The following ABCC8 variants were observed in gnomAD, a reference collection of about 807,000 sequenced individuals.
ABCC8 encodes ATP binding cassette subfamily C member 8.
A neutral mutation model predicts 188.0 loss-of-function variants in ABCC8; 137 were observed. The observed-to-expected ratio is 0.73, with a 90% CI of 0.63 to 0.84. The LOEUF is 0.84. Among genes scored for constraint, ABCC8 ranks in the 40% least tolerant of loss-of-function variants. The pLI, the probability that ABCC8 is intolerant of heterozygous loss-of-function variation, is 0.00. For missense variants in ABCC8, 1,750 were observed against 2,072.7 expected (o/e 0.84, Z 3.02); for synonymous variants, 797 against 846.5 (o/e 0.94, Z 1.01).
intron 1 of ABCC8, 151 bp from the exon 2 acceptor site, chr11:17,475,178 C>T (rs958086549): frequency 1.4e-5 from 17 of 1,185,142 alleles, no homozygotes; most frequent in African/African-American, 3.0e-5. Flanking sequence ...ACAAACTAAA[C>T]GTCCAACTCA....
chr11:17,402,886 G>C (rs970061309), intron 28 of ABCC8, 133 bp from the exon 29 acceptor site: 4 of 1,093,610 alleles, frequency 3.7e-6, no homozygotes, highest in Non-Finnish European at 5.5e-6. Context: ...TTCTTACCCC[G>C]TGAAGGGGGA....
At chr11:17,399,865 A>G (rs1410772715) in intron 29 of ABCC8, among the ~76,000 whole-genome samples, 3 of 152,136 alleles carry the variant, frequency 2.0e-5, no homozygotes, top group Non-Finnish European at 4.4e-5. Flanking sequence ...GGTCCTCATC[A>G]TGTTTTCCCT....
intron 10 of ABCC8, among the ~76,000 whole-genome samples, chr11:17,439,007 A>G (rs888000102): frequency 1.3e-5 from 2 of 152,218 alleles, no homozygotes; most frequent in Non-Finnish European, 2.9e-5. Context: ...TGTTCTGTGC[A>G]TGTTAGCTCT....
intron 20 of ABCC8, 79 bp downstream of exon 20, chr11:17,413,315 A>AT: frequency 6.4e-7 from 1 of 1,573,982 alleles, no homozygotes; most frequent in Non-Finnish European, 8.7e-7. Context: ...CTAGTTACCC[A>AT]TTGTCCTGAG....
chr11:17,402,138 T>C (rs1354492403), intron 29 of ABCC8, among the ~76,000 whole-genome samples: 1 of 152,188 alleles, frequency 6.6e-6, no homozygotes, highest in Non-Finnish European at 1.5e-5. Flanking sequence ...GTTTGTTGCA[T>C]GAACAAATAG....
Position 17,443,043 on chromosome 11 carries a change from G to A in ABCC8, c.1467+135C>T, listed in dbSNP as rs1176264013. On this transcript the variant is annotated intron_variant, in intron 9 of 38. Transcript: ENST00000389817. ...TCCATTTCCCAGACAAAGAAGCTGAGGCCTGGACAGGTGAAGTGGCCTACT... is the reference window on the plus strand; with the variant it reads ...TCCATTTCCCAGACAAAGAAGCTGAAGCCTGGACAGGTGAAGTGGCCTACT... 2.0e-6 allele frequency: 3 copies of A among 1,497,358 alleles called. No homozygotes were observed. In the African/African-American group the frequency reaches 4.2e-5, roughly 21 times the overall value. The allele number at this position is 1,497,358 out of a possible 1,614,324, so 92.8% of individuals were successfully genotyped here.
At chr11:17,402,859 C>CAGAG (rs1343461681) in intron 28 of ABCC8, 106 bp from the exon 29 acceptor site, 2 of 1,350,036 alleles carry the variant, frequency 1.5e-6, no homozygotes, top group African/African-American at 2.9e-5. Context: ...AATGGCCTTA[C>CAGAG]CTCTCTAGGC....
At chr11:17,393,842 C>A in intron 37 of ABCC8, 83 bp from the exon 38 acceptor site, 1 of 1,613,394 alleles carries the variant, frequency 6.2e-7, no homozygotes, top group Non-Finnish European at 8.5e-7. Context: ...GAGCCCAGGT[C>A]TGTGGCTCAG....
chr11:17,465,106 C>T (rs1451740216), intron 3 of ABCC8, among the ~76,000 whole-genome samples: 1 of 152,210 alleles, frequency 6.6e-6, no homozygotes, highest in African/African-American at 2.4e-5. Flanking sequence ...GGATGGAGGG[C>T]AGAAGCATCG....
intron 10 of ABCC8, among the ~76,000 whole-genome samples, chr11:17,437,430 C>T (rs1051650176): frequency 6.6e-6 from 1 of 152,364 alleles, no homozygotes; most frequent in South Asian, 2.1e-4. Flanking sequence ...GCATAGCCAG[C>T]CATTTGTACC....
intron 10 of ABCC8, among the ~76,000 whole-genome samples, chr11:17,441,818 A>G (rs1359092756): frequency 6.6e-6 from 1 of 152,228 alleles, no homozygotes; most frequent in African/African-American, 2.4e-5. Flanking sequence ...ACAGTGGCTC[A>G]TGCATGTAAT....
rs184542548 is a variant in ABCC8 at position 17,457,365 on chromosome 11, T to G, written c.1011+3123A>C. Among the ~76,000 whole-genome samples, 3 of 152,216 alleles carry G rather than the reference T, an allele frequency of 2.0e-5. No homozygotes were observed. The East Asian group carries it at 5.8e-4, about 29-fold the overall frequency. On this transcript the variant is annotated intron_variant, in intron 6 of 38. Coordinates refer to ENST00000389817, the MANE Select transcript of ABCC8 (RefSeq NM_000352.6). ...CATAAGCAGTTCTTAGGGGAACTCA[T>G]TCGGAAACACATACACCCTCCCAAA...
At chr11:17,408,646 T>A in intron 22 of ABCC8, 129 bp from the exon 23 acceptor site, 1 of 1,429,742 alleles carries the variant, frequency 7.0e-7, no homozygotes, top group Non-Finnish European at 9.4e-7. Flanking sequence ...CACCAGCTCA[T>A]CCACTGCAAG....
chr11:17,398,490 G>C (rs1159044687), intron 29 of ABCC8, 49 bp from the exon 30 acceptor site: 2 of 1,609,568 alleles, frequency 1.2e-6, no homozygotes, highest in South Asian at 2.2e-5. Context: ...GGTCCACATA[G>C]CTCCTAGGAG....
At chr11:17,413,551 A>T (rs1954921004) in intron 19 of ABCC8, 73 bp from the exon 20 acceptor site, 3 of 1,611,956 alleles carry the variant, frequency 1.9e-6, no homozygotes, top group Non-Finnish European at 2.5e-6. Context: ...GCAGAGGGTC[A>T]TTAGTCTCTG....
At chr11:17,476,374 G>T (rs1410184981) in intron 1 of ABCC8, among the ~76,000 whole-genome samples, 1 of 152,250 alleles carries the variant, frequency 6.6e-6, no homozygotes, top group Non-Finnish European at 1.5e-5. Flanking sequence ...CCCTGCAGAA[G>T]CAAAACTTGG....
intron 8 of ABCC8, 27 bp downstream of exon 8, chr11:17,448,489 C>A (rs377746089): frequency 6.2e-7 from 1 of 1,606,444 alleles, no homozygotes; most frequent in Non-Finnish European, 8.5e-7. Context: ...TGCTGCCCCC[C>A]TCCCTTCCCC....
In ABCC8 at chr11:17,430,321, C is replaced by T. The variant is rs928786845; in HGVS notation, c.1817+493G>A. The T allele has an allele frequency of 3.9e-5, 11 of 281,132 alleles. No homozygotes were observed. In the Admixed American group the frequency reaches 5.0e-4, roughly 13 times the overall value. The allele number at this position is 281,132 out of a possible 1,614,324, so 17.4% of individuals were successfully genotyped here. On this transcript the variant is annotated intron_variant, in intron 12 of 38. Transcript: ENST00000389817. ...AGCTGTGGGCCAATCAGAGCAGGAC[C>T]CAGCGCTTGGGGGAAGCTGTTTCAC...
intron 28 of ABCC8, 83 bp from the exon 29 acceptor site, chr11:17,402,836 C>G: frequency 1.3e-6 from 2 of 1,533,982 alleles, no homozygotes; most frequent in Non-Finnish European, 1.8e-6. Flanking sequence ...CACCTGCTAC[C>G]GCTGTGTGGG....
Sources: allele counts gnomAD v4.1 joint callset (sites outside exome capture counted in the v4.1 genomes callset), GRCh38; gene constraint gnomAD v4.1.1; transcripts MANE v1.5; gene names NCBI Gene and HGNC (gene_info 2026-07-23, HGNC 2026-07-21).